Variants in ABHD17C observed in about 807,000 individuals in gnomAD.
ABHD17C encodes abhydrolase domain containing 17C, depalmitoylase, also known as alpha/beta hydrolase domain-containing protein 17C.
ABHD17C carries 11 observed loss-of-function variants against 27.9 expected under a neutral mutation model. That is an observed-to-expected ratio of 0.39 (90% confidence interval 0.25 to 0.65). ABHD17C has a LOEUF of 0.65. ABHD17C is among the 30% of genes least tolerant of loss of function. ABHD17C has a pLI of 0.45. For synonymous variants in ABHD17C, 233 were observed against 209.1 expected, an observed-to-expected ratio of 1.11 and a Z score of -0.98; for missense variants, 280 against 470.2, an observed-to-expected ratio of 0.60 and a Z score of 3.74.
At chr15:80,700,026 G>A (rs1894549817) in intron 1 of ABHD17C, among the ~76,000 whole-genome samples, 1 of 152,224 alleles carries the variant, frequency 6.6e-6, no homozygotes, top group South Asian at 2.1e-4. Flanking sequence ...CTGAAAATCA[G>A]GGTCACCTTA....
At position 80,695,852 on chromosome 15, in the gene ABHD17C, C is replaced by T. The variant is rs1894486907; in HGVS notation, c.423C>T (p.Asn141=). ...SRYTLLFSHG[N]AVDLGQMCSF... is the part of the protein sequence containing the mutation. ...ACACGCTGCTCTTCTCGCACGGCAA[C>T]GCCGTGGACCTGGGCCAGATGTGCA... The change falls in exon 1 of 3, where the codon AAC becomes AAT. Residue 141 remains asparagine (N), a synonymous_variant. Transcript: ENST00000258884. The surrounding 1 kb of genome is among the most constrained non-coding windows in gnomAD (Gnocchi z 4.3). 1.9e-6 allele frequency: 3 copies of T among 1,594,132 alleles called. No homozygotes were observed. The East Asian group carries it at 6.7e-5, about 36-fold the overall frequency.
At chr15:80,751,500 T>C (rs1262125273) in intron 2 of ABHD17C, among the ~76,000 whole-genome samples, 1 of 152,186 alleles carries the variant, frequency 6.6e-6, no homozygotes, top group Non-Finnish European at 1.5e-5. Context: ...CCAGCACTTT[T>C]TGAGGCCAAG....
At chr15:80,727,797 A>G (rs1012246238) in intron 1 of ABHD17C, among the ~76,000 whole-genome samples, 6 of 152,088 alleles carry the variant, frequency 3.9e-5, no homozygotes, top group East Asian at 1.9e-4. Context: ...CTGGTTCTTC[A>G]TCATTTAAAA....
chr15:80,720,414 A>C (rs1220096389), intron 1 of ABHD17C, among the ~76,000 whole-genome samples: 1 of 151,892 alleles, frequency 6.6e-6, no homozygotes, highest in African/African-American at 2.4e-5. Context: ...TCTAGAAACC[A>C]CTTGATGGAT....
intron 1 of ABHD17C, among the ~76,000 whole-genome samples, chr15:80,732,458 T>C (rs1459323681): frequency 6.6e-6 from 1 of 152,230 alleles, no homozygotes; most frequent in East Asian, 1.9e-4. Flanking sequence ...TTTCCTTCTC[T>C]ATGAAATAAA....
intron 1 of ABHD17C, among the ~76,000 whole-genome samples, chr15:80,736,928 C>T (rs1021470322): frequency 1.4e-4 from 21 of 152,178 alleles, no homozygotes; most frequent in Middle Eastern, 6.3e-3. Context: ...ATCTCCTTGG[C>T]GCTGTCAGCC....
At chr15:80,736,548 T>A (rs1282214097) in intron 1 of ABHD17C, among the ~76,000 whole-genome samples, 2 of 152,214 alleles carry the variant, frequency 1.3e-5, no homozygotes, top group Non-Finnish European at 2.9e-5. Context: ...TTTTTTAATG[T>A]TTATCTAAAG....
At position 80,695,768 on chromosome 15, in the gene ABHD17C, C is replaced by G. The variant is rs759659051; in HGVS notation, c.339C>G (p.Arg113=). 14 of 1,541,230 alleles carry G rather than the reference C, an allele frequency of 9.1e-6. No individual in the cohort carries two copies. In the South Asian group the frequency reaches 1.2e-4, roughly 13 times the overall value. The change falls in exon 1 of 3, where the codon CGC becomes CGG. Residue 113 remains arginine, a synonymous_variant. Coordinates refer to ENST00000258884, the MANE Select transcript of ABHD17C (RefSeq NM_021214.2). The surrounding 1 kb of genome is among the most constrained non-coding windows in gnomAD (Gnocchi z 4.3). Reference sequence around the variant, plus strand: ...ACGCCGTCGAGGTCTTCTTCTCGCGCACGGCCCGGGACAACCGGCTCGGCT... The same window carrying G: ...ACGCCGTCGAGGTCTTCTTCTCGCGGACGGCCCGGGACAACCGGCTCGGCT... ...ELDAVEVFFS[R]TARDNRLGCM... is the part of the protein sequence containing the mutation.
intron 1 of ABHD17C, among the ~76,000 whole-genome samples, chr15:80,714,993 G>A (rs906534587): frequency 6.6e-6 from 1 of 152,180 alleles, no homozygotes; most frequent in African/African-American, 2.4e-5. Flanking sequence ...GCGTTAGCCA[G>A]GATGGTCTCG....
In ABHD17C at chr15:80,751,001, G is replaced by A. The variant is rs559904470; in HGVS notation, c.770+1309G>A. ...TATCTGAGTTTATCTGGTATGGCAG[G>A]TATCGGGCTATGCATTTCATGTTCA... On this transcript the variant is annotated intron_variant, in intron 2 of 2. Coordinates refer to ENST00000258884, the MANE Select transcript of ABHD17C (RefSeq NM_021214.2). Among the ~76,000 whole-genome samples, 8 of 151,986 alleles carry A rather than the reference G, an allele frequency of 5.3e-5. No individual in the cohort carries two copies. In the South Asian group the frequency reaches 1.7e-3, roughly 32 times the overall value.
At chr15:80,722,557 T>G (rs953428578) in intron 1 of ABHD17C, among the ~76,000 whole-genome samples, 1 of 152,148 alleles carries the variant, frequency 6.6e-6, no homozygotes, top group African/African-American at 2.4e-5. Context: ...CTTTTTTTTT[T>G]TCCTTTTGTG....
At chr15:80,737,985 G>C (rs538747950) in intron 1 of ABHD17C, among the ~76,000 whole-genome samples, 13 of 151,834 alleles carry the variant, frequency 8.6e-5, no homozygotes, top group African/African-American at 2.7e-4. Context: ...CTTTTTTCAA[G>C]GAAGATATAT....
intron 2 of ABHD17C, among the ~76,000 whole-genome samples, chr15:80,750,414 C>T (rs904798450): frequency 4.6e-5 from 7 of 152,120 alleles, no homozygotes; most frequent in Admixed American, 4.6e-4. Flanking sequence ...ACAGTCCTTG[C>T]TGGAGGGGCC....
At chr15:80,709,660 G>T (rs1894703809) in intron 1 of ABHD17C, among the ~76,000 whole-genome samples, 1 of 151,984 alleles carries the variant, frequency 6.6e-6, no homozygotes, top group Non-Finnish European at 1.5e-5. Flanking sequence ...GGGCTGTTGA[G>T]AGCCTGTTCA....
At chr15:80,705,333 T>TTTGTGTGTGTGTGTGTGTGTTTGTG (rs10523879) in intron 1 of ABHD17C, among the ~76,000 whole-genome samples, 1 of 106,822 alleles carries the variant, frequency 9.4e-6, no homozygotes, top group Non-Finnish European at 1.9e-5. Context: ...TTCCTATGAT[T>TTTGTGTGTGTGTGTGTGTGTTTGTG]TGTGTGTGTG....
intron 1 of ABHD17C, among the ~76,000 whole-genome samples, chr15:80,748,890 G>A (rs1174720653): frequency 6.6e-6 from 1 of 151,760 alleles, no homozygotes; most frequent in Non-Finnish European, 1.5e-5. Context: ...GGGAGGCTGG[G>A]AAATGAAGCC....
chr15:80,715,844 T>G (rs1894797276), intron 1 of ABHD17C, among the ~76,000 whole-genome samples: 1 of 152,222 alleles, frequency 6.6e-6, no homozygotes, highest in Non-Finnish European at 1.5e-5. Context: ...TCATTCGCTT[T>G]GTAATGCTTT....
chr15:80,708,514 G>A (rs570204972), intron 1 of ABHD17C, among the ~76,000 whole-genome samples: 43 of 152,152 alleles, frequency 2.8e-4, no homozygotes, highest in Middle Eastern at 3.4e-3. Flanking sequence ...CAGTGTTTTC[G>A]CCATGTTGGC....
chr15:80,733,375 G>A (rs1398578841), intron 1 of ABHD17C, among the ~76,000 whole-genome samples: 2 of 152,100 alleles, frequency 1.3e-5, no homozygotes, highest in Non-Finnish European at 2.9e-5. Flanking sequence ...TAATTCTCAA[G>A]GAGGCCCCAG....
Sources: allele counts gnomAD v4.1 joint callset (sites outside exome capture counted in the v4.1 genomes callset), GRCh38; gene constraint gnomAD v4.1.1; non-coding constraint Gnocchi (gnomAD v3.1); transcripts MANE v1.5; gene names NCBI Gene and HGNC (gene_info 2026-07-23, HGNC 2026-07-21).